CATSPERB: variants seen among roughly 807,000 people sequenced by gnomAD.
CATSPERB encodes cation channel sperm-associated auxiliary subunit beta.
In CATSPERB, 93 loss-of-function variants were observed where a neutral mutation model predicts 128.3. The observed-to-expected ratio is 0.72, with a 90% CI of 0.61 to 0.86. CATSPERB has a LOEUF of 0.86. Among genes scored for constraint, CATSPERB ranks in the 40% least tolerant of loss-of-function variants. The pLI, the probability that CATSPERB is intolerant of heterozygous loss-of-function variation, is 0.00. For missense variants in CATSPERB, 1,153 were observed against 1,329.5 expected, an observed-to-expected ratio of 0.87 and a Z score of 2.06; for synonymous variants, 381 against 448.8, an observed-to-expected ratio of 0.85 and a Z score of 1.91.
rs189102075 is a variant in CATSPERB, at chr14:91,625,942, T to C, written c.1743-935A>G. Among the ~76,000 whole-genome samples the C allele has an allele frequency of 7.1e-3, 1,084 of 152,232 alleles. 6 individuals carry two copies. Among genetic ancestry groups the C allele is most frequent in the Non-Finnish European group, 0.012 (843 of 68,014 alleles). ...GAGTTCAAGACCAGCCTAGGCAACA[T>C]GGTGAAACCCTATCTTTACTAAAAA... On this transcript the variant is annotated intron_variant, in intron 17 of 26. Coordinates refer to ENST00000256343, the MANE Select transcript of CATSPERB (RefSeq NM_024764.4).
intron 7 of CATSPERB, 128 bp from the exon 8 acceptor site, chr14:91,693,607 A>C: frequency 3.1e-6 from 2 of 651,110 alleles, no homozygotes; most frequent in Non-Finnish European, 5.5e-6. Context: ...AAAGCATTGG[A>C]AAGATGAAGT....
rs946463795 is a variant in CATSPERB, at chr14:91,708,376, A to G, written c.371-140T>C. The G allele has an allele frequency of 1.3e-5, 8 of 597,926 alleles. No individual in the cohort carries two copies. The African/African-American group carries it at 1.5e-4, about 11-fold the overall frequency. The allele number at this position is 597,926 out of a possible 1,614,324, so 37.0% of individuals were successfully genotyped here. On this transcript the variant is annotated intron_variant, in intron 5 of 26. Coordinates refer to ENST00000256343, the MANE Select transcript of CATSPERB (RefSeq NM_024764.4). ...TGTTGGTATTTATATGTGAAATTTC[A>G]TACGTTTTCCCTATAAACATTTTGC...
At position 91,674,992 on chromosome 14, in the gene CATSPERB, A is replaced by G. The variant is rs950920168; in HGVS notation, c.932-770T>C. On this transcript the variant is annotated intron_variant, in intron 11 of 26. Transcript: ENST00000256343. ...AGGCGTGAGCCTGGCCACTCTCCCAACTGCTGGCTTTTGGAATAAAAGTCA... is the reference window on the plus strand; with the variant it reads ...AGGCGTGAGCCTGGCCACTCTCCCAGCTGCTGGCTTTTGGAATAAAAGTCA... Among the ~76,000 whole-genome samples, 4 of 152,250 alleles carry G rather than the reference A, an allele frequency of 2.6e-5. No homozygotes were observed. The East Asian group carries it at 7.7e-4, about 29-fold the overall frequency.
At chr14:91,615,665 T>C (rs1316335579) in intron 20 of CATSPERB, among the ~76,000 whole-genome samples, 1 of 152,210 alleles carries the variant, frequency 6.6e-6, no homozygotes, top group Non-Finnish European at 1.5e-5. Flanking sequence ...ATTGTGTATA[T>C]ATTCCTGCAC....
At chr14:91,681,563 G>A (rs75611697) in intron 11 of CATSPERB, among the ~76,000 whole-genome samples, 11 of 152,242 alleles carry the variant, frequency 7.2e-5, no homozygotes, top group South Asian at 6.2e-4. Context: ...TGGGAGTCCC[G>A]CCTTTAGACC....
At chr14:91,696,487 A>G (rs1895564136) in intron 7 of CATSPERB, among the ~76,000 whole-genome samples, 1 of 152,212 alleles carries the variant, frequency 6.6e-6, no homozygotes, top group Non-Finnish European at 1.5e-5. Context: ...GAAATGTTTT[A>G]GTACGGTGAT....
At chr14:91,661,254 G>A (rs144761304) in intron 14 of CATSPERB, among the ~76,000 whole-genome samples, 1,575 of 152,016 alleles carry the variant, frequency 0.01, 17 homozygotes, top group Middle Eastern at 0.051. Flanking sequence ...CATTTGTCAC[G>A]CAACAATGTA....
chr14:91,653,479 A>C (rs1352695287), intron 15 of CATSPERB, among the ~76,000 whole-genome samples: 1 of 152,186 alleles, frequency 6.6e-6, no homozygotes, highest in Non-Finnish European at 1.5e-5. Flanking sequence ...CATGCCCGAG[A>C]CTGGGCAATT....
chr14:91,637,836 A>G (rs755846595), intron 16 of CATSPERB, among the ~76,000 whole-genome samples: 1 of 152,180 alleles, frequency 6.6e-6, no homozygotes, highest in African/African-American at 2.4e-5. Flanking sequence ...ACATAAGGGA[A>G]CTAAGAAACT....
intron 6 of CATSPERB, among the ~76,000 whole-genome samples, chr14:91,705,843 C>T (rs185841676): frequency 6.6e-6 from 1 of 152,202 alleles, no homozygotes; most frequent in African/African-American, 2.4e-5. Context: ...CGTCATCAGA[C>T]AAGGCGTCAC....
chr14:91,699,194 G>A (rs1895607612), intron 7 of CATSPERB, among the ~76,000 whole-genome samples: 1 of 152,128 alleles, frequency 6.6e-6, no homozygotes, highest in African/African-American at 2.4e-5. Flanking sequence ...TTCATATAAT[G>A]ACTTCTTTTC....
chr14:91,704,543 T>TA lies in CATSPERB; in HGVS notation c.616+8dup. On this transcript the variant is annotated intron_variant, in intron 7 of 26. Transcript: ENST00000256343. ...CCAATGTCAACATTTAATGAAGCTG[T>TA]AGACCTACCATCAACTATTGTATCC... The TA allele has an allele frequency of 1.9e-6, 3 of 1,608,348 alleles. No homozygotes were observed. The highest frequency in any genetic ancestry group is 2.5e-6 in the Non-Finnish European group (3 of 1,177,884).
chr14:91,690,272 C>T (rs868568960), intron 10 of CATSPERB, among the ~76,000 whole-genome samples: 1 of 152,158 alleles, frequency 6.6e-6, no homozygotes. Context: ...GGGTTACAGG[C>T]GTGGGCTATC....
intron 4 of CATSPERB, 102 bp downstream of exon 4, chr14:91,722,947 T>A (rs1670510347): frequency 1.2e-6 from 1 of 866,104 alleles, no homozygotes; most frequent in African/African-American, 1.7e-5. Flanking sequence ...CATACATAGA[T>A]GTAATATTAC....
In CATSPERB at chr14:91,580,729, A is replaced by C; in HGVS notation, c.*160T>G. ...AAGACATTTTCTATGTATTCAAAATAAGAAAAGGAAATGGTGAATATATTG... is the reference window on the plus strand; with the variant it reads ...AAGACATTTTCTATGTATTCAAAATCAGAAAAGGAAATGGTGAATATATTG... On this transcript the variant is annotated 3_prime_UTR_variant, in exon 27 of 27. Coordinates refer to ENST00000256343, the MANE Select transcript of CATSPERB (RefSeq NM_024764.4). The C allele has an allele frequency of 1.6e-6, 1 of 629,990 alleles. No individual in the cohort carries two copies. Among genetic ancestry groups the C allele is most frequent in the Non-Finnish European group, 2.7e-6 (1 of 365,222 alleles). The allele number at this position is 629,990 out of a possible 1,614,324, so 39.0% of individuals were successfully genotyped here. A position where few individuals can be genotyped will look rare whatever the true frequency, so the allele number is the denominator to read the frequency against.
At chr14:91,714,533 T>G in intron 5 of CATSPERB, among the ~76,000 whole-genome samples, 1 of 146,212 alleles carries the variant, frequency 6.8e-6, no homozygotes, top group South Asian at 2.1e-4. Flanking sequence ...CCACTTACAA[T>G]AACACTCCAA....
At chr14:91,714,327 G>T (rs1464982479) in intron 5 of CATSPERB, among the ~76,000 whole-genome samples, 1 of 148,706 alleles carries the variant, frequency 6.7e-6, no homozygotes, top group Admixed American at 6.7e-5. Context: ...ATACATACTG[G>T]AAGAGAAGAA....
At position 91,683,886 on chromosome 14, in the gene CATSPERB, GCTCT is replaced by G; in HGVS notation, c.918_921del (p.Arg306SerfsTer18). The G allele has an allele frequency of 1.2e-6, 2 of 1,602,616 alleles. No individual in the cohort carries two copies. Among genetic ancestry groups the G allele is most frequent in the Non-Finnish European group, 1.7e-6 (2 of 1,174,418 alleles). Reference sequence around the variant, plus strand: ...TTTAACCAAAATTTACCTTCAAAGTGCTCTCTGTTAGCAAAACATCTTTCATTAT... The same window carrying G: ...TTTAACCAAAATTTACCTTCAAAGTGCTGTTAGCAAAACATCTTTCATTAT... On this transcript the variant is annotated frameshift_variant, in exon 11 of 27. Coordinates refer to ENST00000256343, the MANE Select transcript of CATSPERB (RefSeq NM_024764.4). LOFTEE classifies it high-confidence loss of function.
At chr14:91,616,410 T>C (rs999630186) in intron 20 of CATSPERB, among the ~76,000 whole-genome samples, 3 of 152,206 alleles carry the variant, frequency 2.0e-5, no homozygotes, top group Admixed American at 2.0e-4. Flanking sequence ...TTTTTTGTGG[T>C]TCTCATTTAC....
Sources: allele counts gnomAD v4.1 joint callset (sites outside exome capture counted in the v4.1 genomes callset), GRCh38; gene constraint gnomAD v4.1.1; transcripts MANE v1.5; gene names NCBI Gene and HGNC (gene_info 2026-07-23, HGNC 2026-07-21).